The following COL19A1 variants were observed in gnomAD, a reference collection of about 807,000 sequenced individuals.
COL19A1 encodes the protein collagen type XIX alpha 1 chain, also known as collagen alpha-1(XIX) chain.
A neutral mutation model predicts 190.2 loss-of-function variants in COL19A1; 159 were observed. The observed-to-expected ratio is 0.84, with a 90% CI of 0.73 to 0.95. COL19A1 has a LOEUF of 0.95. COL19A1 is among the 40% of genes least tolerant of loss of function. The probability of loss-of-function intolerance (pLI) is 0.00; values close to 1 mark genes in which losing one functional copy is unlikely to be tolerated. For missense variants in COL19A1, 1,418 were observed against 1,431.9 expected, an observed-to-expected ratio of 0.99 and a Z score of 0.16; for synonymous variants, 509 against 458.9, an observed-to-expected ratio of 1.11 and a Z score of -1.39.
At chr6:70,159,597 C>A (rs1787660710) in intron 34 of COL19A1, among the ~76,000 whole-genome samples, 1 of 152,024 alleles carries the variant, frequency 6.6e-6, no homozygotes, top group South Asian at 2.1e-4. Flanking sequence ...CATGAATAGA[C>A]CTGAAGTAAC....
chr6:69,914,568 T>G (rs903985402), intron 4 of COL19A1, among the ~76,000 whole-genome samples: 1 of 152,248 alleles, frequency 6.6e-6, no homozygotes, highest in Non-Finnish European at 1.5e-5. Context: ...CAGTTCTTGA[T>G]ATTTAAAAAT....
intron 4 of COL19A1, among the ~76,000 whole-genome samples, chr6:69,926,036 G>A (rs921371028): frequency 6.6e-6 from 1 of 152,056 alleles, no homozygotes. Context: ...CTGCAAACAG[G>A]GACAATTTGA....
intron 49 of COL19A1, among the ~76,000 whole-genome samples, chr6:70,203,294 C>T (rs1325127613): frequency 1.3e-5 from 2 of 152,190 alleles, no homozygotes; most frequent in Admixed American, 6.5e-5. Flanking sequence ...CTACATCCAT[C>T]GCATGCACCC....
chr6:69,911,771 T>C (rs1315125942), intron 4 of COL19A1, among the ~76,000 whole-genome samples: 1 of 152,210 alleles, frequency 6.6e-6, no homozygotes, highest in African/African-American at 2.4e-5. Context: ...AAGACCTTGA[T>C]CCACCCATGA....
At chr6:69,940,547 T>C (rs965353228) in intron 9 of COL19A1, among the ~76,000 whole-genome samples, 18 of 152,170 alleles carry the variant, frequency 1.2e-4, no homozygotes, top group Non-Finnish European at 4.4e-5. Context: ...AAAATGTATC[T>C]TAGAGTAACA....
chr6:70,163,865 G>A (rs763696851), intron 36 of COL19A1, among the ~76,000 whole-genome samples: 3 of 152,148 alleles, frequency 2.0e-5, no homozygotes, highest in Admixed American at 6.5e-5. Context: ...TGGCAGAATC[G>A]GTGTCTGACA....
intron 44 of COL19A1, 141 bp from the exon 45 acceptor site, chr6:70,184,562 T>G: frequency 1.5e-6 from 1 of 676,610 alleles, no homozygotes; most frequent in South Asian, 2.1e-5. Flanking sequence ...TTCTATTTAT[T>G]TGTTTTCCAT....
At chr6:70,039,009 G>A (rs1054755095) in intron 14 of COL19A1, among the ~76,000 whole-genome samples, 1 of 151,588 alleles carries the variant, frequency 6.6e-6, no homozygotes, top group Admixed American at 6.6e-5. Context: ...AGCCGAGATC[G>A]CGCCACTGCA....
intron 15 of COL19A1, among the ~76,000 whole-genome samples, chr6:70,071,521 C>A (rs1211644589): frequency 6.6e-6 from 1 of 152,034 alleles, no homozygotes; most frequent in African/African-American, 2.4e-5. Context: ...TGTTTTATTT[C>A]TCAACTTCCT....
Position 70,165,971 on chromosome 6 carries a change from C to A in COL19A1, c.2431C>A (p.Pro811Thr). 6.2e-7 allele frequency: 1 copy of A among 1,613,808 alleles called. No individual in the cohort carries two copies. Among genetic ancestry groups the A allele is most frequent in the Non-Finnish European group, 8.5e-7 (1 of 1,179,780 alleles). Residue 811 changes from proline to threonine, a missense_variant, in exon 37 of 51, where the codon CCA becomes ACA. Coordinates refer to ENST00000620364, the MANE Select transcript of COL19A1 (RefSeq NM_001858.6). ...GSDGPPGKPG[P>T]PGPPGIPFNE... is the part of the protein sequence containing the mutation. The stretch of plus-strand genomic sequence containing the variant: ...CGACGGACCCCCTGGGAAACCCGGA[C>A]CACCTGGACCACCTGTGAGTTGTTC...
chr6:70,059,669 T>G, intron 14 of COL19A1: 2 of 383,050 alleles, frequency 5.2e-6, no homozygotes, highest in South Asian at 4.2e-5. Context: ...GCCTTATGAA[T>G]TCCATTCTTT....
At chr6:69,930,914 T>C (rs1421256636) in intron 6 of COL19A1, among the ~76,000 whole-genome samples, 1 of 152,216 alleles carries the variant, frequency 6.6e-6, no homozygotes, top group African/African-American at 2.4e-5. Flanking sequence ...ATTACAGTGG[T>C]TTCATAATTT....
At chr6:70,030,166 G>A (rs1778972708) in intron 12 of COL19A1, among the ~76,000 whole-genome samples, 1 of 152,046 alleles carries the variant, frequency 6.6e-6, no homozygotes, top group East Asian at 1.9e-4. Context: ...GCTTGTAATT[G>A]GCTACATCAT....
intron 19 of COL19A1, 112 bp downstream of exon 19, chr6:70,137,859 A>G (rs371362728): frequency 1.1e-6 from 1 of 943,798 alleles, no homozygotes; most frequent in East Asian, 2.5e-5. Context: ...GTCATGGGAA[A>G]CAACAGATCA....
chr6:70,199,548 AT>A (rs5877242), intron 48 of COL19A1, 59 bp from the exon 49 acceptor site: 838,061 of 1,268,734 alleles, frequency 0.66, 279,013 homozygotes, highest in South Asian at 0.73. Context: ...GTATTTTGAA[AT>A]TTTTTGACAT....
chr6:70,091,492 C>T (rs1478067257), intron 15 of COL19A1, among the ~76,000 whole-genome samples: 1 of 152,068 alleles, frequency 6.6e-6, no homozygotes, highest in Non-Finnish European at 1.5e-5. Flanking sequence ...CAATTCTGGG[C>T]ACATGCCAGC....
chr6:70,097,794 C>G (rs1255947058), intron 15 of COL19A1, among the ~76,000 whole-genome samples: 1 of 152,118 alleles, frequency 6.6e-6, no homozygotes, highest in Non-Finnish European at 1.5e-5. Context: ...TATAATAATG[C>G]TGGAACACTA....
intron 11 of COL19A1, among the ~76,000 whole-genome samples, chr6:69,968,577 A>G (rs1259776580): frequency 6.6e-6 from 1 of 152,216 alleles, no homozygotes; most frequent in African/African-American, 2.4e-5. Flanking sequence ...TCATGAAATT[A>G]TAGTAACTCA....
At chr6:69,904,968 C>T (rs1391210556) in intron 4 of COL19A1, among the ~76,000 whole-genome samples, 3 of 152,078 alleles carry the variant, frequency 2.0e-5, no homozygotes, top group Non-Finnish European at 2.9e-5. Context: ...CTCGGTGCTG[C>T]GTGCTTCCAG....
Sources: gnomAD v4.1 joint callset for allele counts (sites outside exome capture counted in the v4.1 genomes callset) on GRCh38, gnomAD v4.1.1 for gene constraint, MANE v1.5 for transcripts, NCBI Gene and HGNC (gene_info 2026-07-23, HGNC 2026-07-21) for gene names.